PPP3CB: variants seen among roughly 807,000 people sequenced by gnomAD.
PPP3CB encodes protein phosphatase 3 catalytic subunit beta.
A neutral mutation model predicts 66.4 loss-of-function variants in PPP3CB; 8 were observed. The observed-to-expected ratio is 0.12, with a 90% CI of 0.07 to 0.22. The LOEUF is 0.22. Among genes scored for constraint, PPP3CB ranks in the 10% least tolerant of loss-of-function variants. The probability of loss-of-function intolerance (pLI) is 1.00; values close to 1 mark genes in which losing one functional copy is unlikely to be tolerated. For missense variants in PPP3CB, 319 were observed against 642.5 expected (o/e 0.50, Z 5.44); for synonymous variants, 208 against 221.2 (o/e 0.94, Z 0.53).
chr10:73,494,931 G>A (rs1213936452), intron 1 of PPP3CB, among the ~76,000 whole-genome samples: 1 of 152,168 alleles, frequency 6.6e-6, no homozygotes, highest in Non-Finnish European at 1.5e-5. Flanking sequence ...GGCTCTCCCA[G>A]GAAGCTTGGA....
At chr10:73,439,997 C>G in intron 12 of PPP3CB, 96 bp from the exon 13 acceptor site, 1 of 1,253,900 alleles carries the variant, frequency 8.0e-7, no homozygotes, top group Non-Finnish European at 1.2e-6. Flanking sequence ...TAAAATATCA[C>G]AGTATCCCAT....
chr10:73,440,769 A>G (rs2056131681), intron 12 of PPP3CB, among the ~76,000 whole-genome samples: 1 of 152,282 alleles, frequency 6.6e-6, no homozygotes, highest in South Asian at 2.1e-4. Context: ...TCTTACAGGC[A>G]TAAATTCTAA....
intron 9 of PPP3CB, among the ~76,000 whole-genome samples, chr10:73,460,199 G>A (rs1589695641): frequency 2.1e-5 from 3 of 142,828 alleles, no homozygotes; most frequent in African/African-American, 8.0e-5. Context: ...ATATTAAATC[G>A]TAGCTTTAAA....
chr10:73,493,892 G>T (rs1194405294), intron 1 of PPP3CB, among the ~76,000 whole-genome samples: 2 of 152,000 alleles, frequency 1.3e-5, no homozygotes, highest in African/African-American at 2.4e-5. Context: ...CTTATGTTTG[G>T]AATCTTATTT....
intron 1 of PPP3CB, among the ~76,000 whole-genome samples, chr10:73,486,295 G>GTTTTTTT (rs1206671127): frequency 8.5e-6 from 1 of 117,796 alleles, no homozygotes. Context: ...GGCCAGACTG[G>GTTTTTTT]TTTTTTTTTT....
At position 73,495,890 on chromosome 10, in the gene PPP3CB, G is replaced by C. The variant is rs1285453527; in HGVS notation, c.-1C>G. The stretch of plus-strand genomic sequence containing the variant: ...CCCGGGCCGGCTCCGGGGCGGCCAT[G>C]CTGGGCCCGGGGCTCGGCTAGGCTC... On this transcript the variant is annotated 5_prime_UTR_variant, in exon 1 of 14. Transcript: ENST00000360663. 1.7e-5 allele frequency: 23 copies of C among 1,318,094 alleles called. No homozygotes were observed. Among genetic ancestry groups the C allele is most frequent in the Non-Finnish European group, 2.1e-5 (22 of 1,036,210 alleles). 81.6% of individuals were successfully genotyped at this position (1,318,094 alleles called of 1,614,324 possible). A position where few individuals can be genotyped will look rare whatever the true frequency, so the allele number is the denominator to read the frequency against.
At chr10:73,474,205 G>A (rs1166206060) in intron 4 of PPP3CB, among the ~76,000 whole-genome samples, 1 of 148,078 alleles carries the variant, frequency 6.8e-6, no homozygotes, top group African/African-American at 2.6e-5. Context: ...ACCACGCCTG[G>A]CTAATTTTTG....
At chr10:73,486,680 C>T (rs187825471) in intron 1 of PPP3CB, among the ~76,000 whole-genome samples, 1 of 152,356 alleles carries the variant, frequency 6.6e-6, no homozygotes, top group African/African-American at 2.4e-5. Flanking sequence ...TCCTGAAGGA[C>T]AACACTTATC....
intron 1 of PPP3CB, among the ~76,000 whole-genome samples, chr10:73,491,333 T>G (rs2057075345): frequency 6.6e-6 from 1 of 150,412 alleles, no homozygotes; most frequent in Non-Finnish European, 1.5e-5. Context: ...CCAGCCAAAT[T>G]TTTGTATTTT....
At chr10:73,485,907 A>AG (rs2056964124) in intron 1 of PPP3CB, among the ~76,000 whole-genome samples, 1 of 75,432 alleles carries the variant, frequency 1.3e-5, no homozygotes, top group Non-Finnish European at 2.5e-5. Flanking sequence ...CACCTGGCTA[A>AG]TTGTGTGTGT....
chr10:73,471,286 C>A, intron 5 of PPP3CB, 77 bp from the exon 6 acceptor site: 1 of 1,434,000 alleles, frequency 7.0e-7, no homozygotes, highest in South Asian at 1.3e-5. Flanking sequence ...AAAACGATAC[C>A]AACTTTGAAT....
rs144724289 is a variant in PPP3CB at position 73,479,513 on chromosome 10, G to A, written c.90C>T (p.Val30=). 100 of 1,612,568 alleles carry A rather than the reference G, an allele frequency of 6.2e-5. No individual in the cohort carries two copies. The African/African-American group carries it at 1.2e-3, about 19-fold the overall frequency. ...TCAAGCGATGTGTTGGGGGGAAAGGGACAGCTGCAAATGTTTTTAATTAAT... is the reference window on the plus strand; with the variant it reads ...TCAAGCGATGTGTTGGGGGGAAAGGAACAGCTGCAAATGTTTTTAATTAAT... ...PPGADRVVKA[V]PFPPTHRLTS... Residue 30 remains valine, a synonymous_variant, in exon 2 of 14, where the codon GTC becomes GTT. Coordinates refer to ENST00000360663, the MANE Select transcript of PPP3CB (RefSeq NM_021132.4).
chr10:73,470,625 T>C, intron 8 of PPP3CB, 62 bp downstream of exon 8: 2 of 1,047,342 alleles, frequency 1.9e-6, no homozygotes, highest in Non-Finnish European at 2.7e-6. Context: ...TTTTATTATA[T>C]TAAAAAAAGT....
intron 9 of PPP3CB, among the ~76,000 whole-genome samples, chr10:73,457,357 G>A (rs113800360): frequency 1.3e-5 from 2 of 148,828 alleles, no homozygotes; most frequent in African/African-American, 2.5e-5. Flanking sequence ...GACTGCCTGA[G>A]TCCAGGAGTT....
intron 4 of PPP3CB, among the ~76,000 whole-genome samples, chr10:73,473,190 A>G (rs182092805): frequency 1.8e-4 from 27 of 152,292 alleles, no homozygotes; most frequent in Admixed American, 1.7e-3. Flanking sequence ...TTGAAGTTAT[A>G]AGAGTATGCC....
At chr10:73,464,023 T>C (rs1255407202) in intron 9 of PPP3CB, among the ~76,000 whole-genome samples, 1 of 151,822 alleles carries the variant, frequency 6.6e-6, no homozygotes, top group Non-Finnish European at 1.5e-5. Flanking sequence ...CTCCACCTCC[T>C]GGGTTCAAGC....
intron 1 of PPP3CB, 22 bp downstream of exon 1, chr10:73,495,783 C>G: frequency 5.1e-6 from 8 of 1,566,828 alleles, no homozygotes; most frequent in Non-Finnish European, 6.9e-6. Flanking sequence ...GCCAGGCCCC[C>G]AGGGTTTCGT....
intron 1 of PPP3CB, among the ~76,000 whole-genome samples, chr10:73,493,593 G>A (rs1369517328): frequency 1.3e-5 from 2 of 152,128 alleles, no homozygotes; most frequent in African/African-American, 4.8e-5. Flanking sequence ...AGTAAATGCA[G>A]GAGACTCCAT....
At chr10:73,450,689 T>A (rs563414008) in intron 10 of PPP3CB, among the ~76,000 whole-genome samples, 1 of 152,202 alleles carries the variant, frequency 6.6e-6, no homozygotes, top group East Asian at 1.9e-4. Context: ...ATAGAAACAT[T>A]GTCATAAATG....
Sources: allele counts gnomAD v4.1 joint callset (sites outside exome capture counted in the v4.1 genomes callset), GRCh38; gene constraint gnomAD v4.1.1; transcripts MANE v1.5; gene names NCBI Gene and HGNC (gene_info 2026-07-23, HGNC 2026-07-21).